The following XYLB variants were observed in gnomAD, a reference collection of about 807,000 sequenced individuals.
XYLB encodes xylulokinase, also known as xylulose kinase.
A neutral mutation model predicts 78.7 loss-of-function variants in XYLB; 62 were observed. The ratio of observed to expected loss-of-function variants is 0.79; its 90% confidence interval spans 0.64 to 0.97. The LOEUF (loss-of-function observed/expected upper bound fraction) is 0.97, where lower values mean the gene tolerates loss of function less well. Ranked by LOEUF, XYLB falls within the 50% of genes least tolerant of loss-of-function variation. XYLB has a pLI of 0.00. For missense variants in XYLB, 687 were observed against 676.8 expected, an observed-to-expected ratio of 1.02 and a Z score of -0.17; for synonymous variants, 245 against 247.4, an observed-to-expected ratio of 0.99 and a Z score of 0.09.
chr3:38,436,558 A>T, the XYLB span, among the ~76,000 whole-genome samples: 4 of 152,198 alleles, frequency 2.6e-5, no homozygotes, highest in Non-Finnish European at 5.9e-5. Context: ...AATTCTCCCT[A>T]ACTCATTCTA....
chr3:38,425,233 A>G (rs1446572152), downstream of XYLB, among the ~76,000 whole-genome samples: 1 of 152,218 alleles, frequency 6.6e-6, no homozygotes, highest in Non-Finnish European at 1.5e-5. Context: ...ATTAAATGGC[A>G]TCTTCTGCAA....
intron 18 of XYLB, among the ~76,000 whole-genome samples, chr3:38,406,050 C>G (rs1454241224): frequency 6.6e-6 from 1 of 152,220 alleles, no homozygotes; most frequent in South Asian, 2.1e-4. Context: ...CCCAGCACAC[C>G]TCTGGAGATC....
At chr3:38,349,607 A>T (rs1705248444) in intron 2 of XYLB, among the ~76,000 whole-genome samples, 1 of 152,174 alleles carries the variant, frequency 6.6e-6, no homozygotes, top group Admixed American at 6.5e-5. Context: ...TTCAGAGTGG[A>T]TGTTGGACTG....
intron 15 of XYLB, among the ~76,000 whole-genome samples, chr3:38,382,084 C>G (rs1707173970): frequency 1.3e-5 from 2 of 152,140 alleles, no homozygotes; most frequent in African/African-American, 4.8e-5. Flanking sequence ...GTACTCTGTC[C>G]CTTTGTTTCT....
At chr3:38,363,107 G>A in intron 4 of XYLB, 90 bp downstream of exon 4, 1 of 1,107,082 alleles carries the variant, frequency 9.0e-7, no homozygotes, top group Non-Finnish European at 1.2e-6. Context: ...CCTTGGATGG[G>A]GAGCGGCTCA....
the XYLB span, among the ~76,000 whole-genome samples, chr3:38,430,067 A>T: frequency 6.6e-6 from 1 of 152,184 alleles, no homozygotes; most frequent in African/African-American, 2.4e-5. Flanking sequence ...TCGGGTATAT[A>T]CCCAGTAATA....
the XYLB span, among the ~76,000 whole-genome samples, chr3:38,439,988 G>T: frequency 6.6e-6 from 1 of 152,160 alleles, no homozygotes; most frequent in African/African-American, 2.4e-5. Context: ...AGTAAGGATA[G>T]ATTTTGTTAT....
chr3:38,452,106 C>A, the XYLB span: 1 of 152,240 alleles, frequency 6.6e-6, no homozygotes, highest in African/African-American at 2.4e-5. Flanking sequence ...CACAGTCTAT[C>A]ACTGTGGCCT....
intron 3 of XYLB, among the ~76,000 whole-genome samples, chr3:38,361,925 C>G (rs1705997893): frequency 6.6e-6 from 1 of 152,196 alleles, no homozygotes; most frequent in African/African-American, 2.4e-5. Flanking sequence ...GAGTGAATCT[C>G]TAATTCCTGC....
downstream of XYLB, among the ~76,000 whole-genome samples, chr3:38,425,462 T>C (rs1709081449): frequency 6.6e-6 from 1 of 152,154 alleles, no homozygotes; most frequent in African/African-American, 2.4e-5. Flanking sequence ...ATAGGAATGG[T>C]GATTATAGGA....
exon 18 of XYLB, among the ~76,000 whole-genome samples, chr3:38,420,475 G>T (rs1708941883): frequency 6.6e-6 from 1 of 152,162 alleles, no homozygotes. Flanking sequence ...AGGTGGGGAG[G>T]AATATTTAAA....
chr3:38,438,903 C>G, the XYLB span, among the ~76,000 whole-genome samples: 1 of 152,152 alleles, frequency 6.6e-6, no homozygotes, highest in Admixed American at 6.5e-5. Context: ...CTCTAGCTAG[C>G]CACAGAGAGC....
At chr3:38,405,554 C>A (rs1708280926) in intron 18 of XYLB, among the ~76,000 whole-genome samples, 1 of 152,148 alleles carries the variant, frequency 6.6e-6, no homozygotes. Flanking sequence ...GTGCAGTGCA[C>A]CGTGCGCAAG....
chr3:38,388,493 G>A (rs1236026661), intron 15 of XYLB, among the ~76,000 whole-genome samples: 1 of 151,970 alleles, frequency 6.6e-6, no homozygotes, highest in Non-Finnish European at 1.5e-5. Context: ...ATAAATATGT[G>A]CAATTTTTAT....
At chr3:38,348,406 C>T (rs1012877418) in intron 1 of XYLB, 144 bp from the exon 2 acceptor site, 9 of 670,020 alleles carry the variant, frequency 1.3e-5, no homozygotes, top group African/African-American at 5.4e-5. Context: ...ACCACGATTA[C>T]GGTGAGGCAG....
At chr3:38,419,932 G>A (rs1708923963), downstream of XYLB, among the ~76,000 whole-genome samples, 1 of 151,898 alleles carries the variant, frequency 6.6e-6, no homozygotes, top group African/African-American at 2.4e-5. Context: ...CAATTCTCCT[G>A]CCTTAGCCTC....
At chr3:38,347,013 C>T in intron 1 of XYLB, 88 bp downstream of exon 1, 1 of 1,258,964 alleles carries the variant, frequency 7.9e-7, no homozygotes, top group Non-Finnish European at 1.0e-6. Context: ...CGCGGGAAAA[C>T]ATGGGCCCGG....
Position 38,360,371 on chromosome 3 carries a change from G to A in XYLB, c.173G>A (p.Gly58Glu), listed in dbSNP as rs1705898394. 1 of 1,613,300 alleles carries A rather than the reference G, an allele frequency of 6.2e-7. No homozygotes were observed. Among genetic ancestry groups the A allele is most frequent in the Non-Finnish European group, 8.5e-7 (1 of 1,179,638 alleles). The change falls in exon 3 of 19, where the codon GGG (glycine) becomes GAG (glutamate). Residue 58 changes from glycine to glutamate, a missense_variant. By Grantham distance (98) the Gly-to-Glu change is moderately conservative. Transcript: ENST00000207870. ...GGTGGTGTTCATGTGCACAAGGATG[G>A]GCTGACGGTCACTTCTCCAGTACTA... ...TQGGVHVHKD[G>E]LTVTSPVLMW... is the part of the protein sequence containing the mutation.
intron 2 of XYLB, chr3:38,356,371 A>G (rs1376774941): frequency 6.6e-6 from 1 of 152,484 alleles, no homozygotes; most frequent in Non-Finnish European, 1.5e-5. Flanking sequence ...GAACAATATC[A>G]CTATCACCAC....
Sources: allele counts gnomAD v4.1 joint callset (sites outside exome capture counted in the v4.1 genomes callset), GRCh38; gene constraint gnomAD v4.1.1; transcripts MANE v1.5; gene names NCBI Gene and HGNC (gene_info 2026-07-23, HGNC 2026-07-21).